Variants in CLIC5 observed in about 807,000 individuals in gnomAD.
CLIC5 encodes CLIC family member 5, also known as chloride intracellular channel protein 5.
CLIC5 carries 20 observed loss-of-function variants against 24.7 expected under a neutral mutation model. That is an observed-to-expected ratio of 0.81 (90% CI 0.57 to 1.18). CLIC5 has a LOEUF of 1.18. Ranked by LOEUF, CLIC5 falls within the 50% of genes most tolerant of loss-of-function variation. The pLI, the probability that CLIC5 is intolerant of heterozygous loss-of-function variation, is 0.00. For missense variants in CLIC5, 341 were observed against 326.1 expected (o/e 1.05, Z -0.35); for synonymous variants, 159 against 135.6 (o/e 1.17, Z -1.20).
Position 45,949,325 on chromosome 6 carries a change from A to C in CLIC5, c.230T>G (p.Phe77Cys). 6.2e-7 allele frequency: 1 copy of C among 1,614,000 alleles called. No individual in the cohort carries two copies. The highest frequency in any genetic ancestry group is 8.5e-7 in the Non-Finnish European group (1 of 1,179,910). ...GACGTCTGTCTTCACGTCCCCGTTG[A>C]AGGTCAGGAAGGGCGGGTGCGTGCC... is the stretch of plus-strand genomic sequence containing the variant. ...APGTHPPFLT[F>C]NGDVKTDVNK... The change falls in exon 3 of 6, where the codon TTC (phenylalanine) becomes TGC (cysteine). Residue 77 changes from phenylalanine (F) to cysteine (C), a missense_variant. Coordinates refer to ENST00000339561, the MANE Select transcript of CLIC5 (RefSeq NM_016929.5).
At chr6:45,993,189 A>T (rs1007752291) in intron 1 of CLIC5, among the ~76,000 whole-genome samples, 10 of 152,210 alleles carry the variant, frequency 6.6e-5, no homozygotes, top group African/African-American at 2.4e-4. Flanking sequence ...AGGCCATATG[A>T]GCAGAAAACA....
At chr6:45,940,231 T>A (rs1764083607) in intron 4 of CLIC5, among the ~76,000 whole-genome samples, 1 of 152,248 alleles carries the variant, frequency 6.6e-6, no homozygotes, top group African/African-American at 2.4e-5. Context: ...TGGTAAATGC[T>A]TCTGGTTCTG....
intron 3 of CLIC5, among the ~76,000 whole-genome samples, chr6:45,946,231 A>C (rs1298796017): frequency 6.6e-6 from 1 of 152,242 alleles, no homozygotes; most frequent in African/African-American, 2.4e-5. Context: ...AGGAGATGAA[A>C]GGCAAGGGCC....
intron 1 of CLIC5, among the ~76,000 whole-genome samples, chr6:45,982,226 G>T (rs570575456): frequency 1.3e-5 from 2 of 152,162 alleles, no homozygotes; most frequent in African/African-American, 4.8e-5. Flanking sequence ...TGTGATTCTT[G>T]TCCTGACTCC....
intron 1 of CLIC5, among the ~76,000 whole-genome samples, chr6:46,010,868 G>A (rs1766783479): frequency 6.6e-6 from 1 of 152,208 alleles, no homozygotes; most frequent in South Asian, 2.1e-4. Context: ...AAACACAGTA[G>A]CTTAATATGA....
At chr6:45,889,790 A>G (rs1345348696) in intron 6 of CLIC5, among the ~76,000 whole-genome samples, 1 of 152,186 alleles carries the variant, frequency 6.6e-6, no homozygotes, top group East Asian at 1.9e-4. Flanking sequence ...ACCTCCAGGA[A>G]CCTAGCCTAA....
At chr6:45,918,397 C>T (rs558069908) in intron 4 of CLIC5, among the ~76,000 whole-genome samples, 15 of 152,282 alleles carry the variant, frequency 9.9e-5, no homozygotes, top group African/African-American at 3.4e-4. Context: ...CTAACCCAGC[C>T]TCCAACAAGT....
the CLIC5 span, among the ~76,000 whole-genome samples, chr6:46,122,475 G>T: frequency 6.6e-6 from 1 of 152,164 alleles, no homozygotes; most frequent in South Asian, 2.1e-4. Flanking sequence ...ACAACAGAAA[G>T]CAGGAAAGAC....
chr6:46,046,370 T>C (rs546551010), intron 1 of CLIC5, among the ~76,000 whole-genome samples: 20 of 152,220 alleles, frequency 1.3e-4, no homozygotes, highest in African/African-American at 4.6e-4. Context: ...TCCACCTCAA[T>C]GGAAACAAAA....
intron 1 of CLIC5, among the ~76,000 whole-genome samples, chr6:45,974,195 A>T (rs1402594890): frequency 1.3e-5 from 2 of 151,846 alleles, no homozygotes; most frequent in Non-Finnish European, 2.9e-5. Flanking sequence ...CAGGCTGGGA[A>T]TCAGAAATCC....
At chr6:45,891,757 A>C (rs1762350306) in intron 6 of CLIC5, among the ~76,000 whole-genome samples, 1 of 152,128 alleles carries the variant, frequency 6.6e-6, no homozygotes, top group Non-Finnish European at 1.5e-5. Flanking sequence ...GGGGATGAGA[A>C]TGTTTAGGGT....
chr6:46,117,122 C>T, the CLIC5 span, among the ~76,000 whole-genome samples: 17 of 152,322 alleles, frequency 1.1e-4, no homozygotes, highest in South Asian at 4.1e-4. Context: ...CTCTTCTCTA[C>T]CTAGTGCACA....
chr6:46,127,330 A>G, the CLIC5 span, among the ~76,000 whole-genome samples: 1 of 152,194 alleles, frequency 6.6e-6, no homozygotes, highest in East Asian at 1.9e-4. Flanking sequence ...TATTTCTTCT[A>G]TCTAACTGTA....
intron 1 of CLIC5, among the ~76,000 whole-genome samples, chr6:45,999,223 G>A (rs1449261332): frequency 6.6e-6 from 1 of 152,190 alleles, no homozygotes; most frequent in Non-Finnish European, 1.5e-5. Context: ...CAAGCTGCCA[G>A]TTGAAAATAA....
intron 1 of CLIC5, among the ~76,000 whole-genome samples, chr6:45,974,192 G>T (rs571636613): frequency 1.3e-5 from 2 of 151,808 alleles, no homozygotes; most frequent in East Asian, 3.9e-4. Flanking sequence ...CACCAGGCTG[G>T]GAATCAGAAA....
At chr6:45,991,066 C>T (rs1765918651) in intron 1 of CLIC5, among the ~76,000 whole-genome samples, 2 of 152,336 alleles carry the variant, frequency 1.3e-5, no homozygotes, top group South Asian at 4.1e-4. Context: ...AAGTGACCCC[C>T]AGATCCCCTT....
At chr6:46,081,425 G>A (rs1209845240), upstream of CLIC5, among the ~76,000 whole-genome samples, 1 of 152,146 alleles carries the variant, frequency 6.6e-6, no homozygotes, top group Non-Finnish European at 1.5e-5. Flanking sequence ...GGGCATCTTG[G>A]CAAAACTTCG....
At chr6:46,026,716 T>G (rs1194262598) in intron 1 of CLIC5, among the ~76,000 whole-genome samples, 3 of 152,200 alleles carry the variant, frequency 2.0e-5, no homozygotes, top group Non-Finnish European at 2.9e-5. Flanking sequence ...GGGGATAAAT[T>G]TATGAGTAAG....
chr6:45,886,260 A>T (rs1277743233), intron 6 of CLIC5, among the ~76,000 whole-genome samples: 1 of 152,204 alleles, frequency 6.6e-6, no homozygotes, highest in African/African-American at 2.4e-5. Flanking sequence ...CAGTCCTGAC[A>T]CTGGCCCAGG....
Sources: allele counts gnomAD v4.1 joint callset (sites outside exome capture counted in the v4.1 genomes callset), GRCh38; gene constraint gnomAD v4.1.1; transcripts MANE v1.5; gene names NCBI Gene and HGNC (gene_info 2026-07-23, HGNC 2026-07-21).